ARFGEF2: variants seen among roughly 807,000 people sequenced by gnomAD.
The protein encoded by ARFGEF2 is ARF guanine nucleotide exchange factor 2.
A neutral mutation model predicts 219.9 loss-of-function variants in ARFGEF2; 74 were observed. The observed-to-expected ratio is 0.34, with a 90% CI of 0.28 to 0.41. The LOEUF (loss-of-function observed/expected upper bound fraction) is 0.41. ARFGEF2 is among the 10% of genes least tolerant of loss of function. ARFGEF2 has a pLI of 1.00. For missense variants in ARFGEF2, 1,743 were observed against 2,218.3 expected (o/e 0.79, Z 4.30); for synonymous variants, 733 against 799.2 (o/e 0.92, Z 1.40).
intron 8 of ARFGEF2, among the ~76,000 whole-genome samples, chr20:48,967,366 T>C (rs2091194502): frequency 6.6e-6 from 1 of 152,252 alleles, no homozygotes; most frequent in Non-Finnish European, 1.5e-5. Context: ...TTTTAGATTA[T>C]TCCAGTTTTA....
At chr20:48,943,985 A>G (rs1201687742) in intron 3 of ARFGEF2, among the ~76,000 whole-genome samples, 2 of 152,348 alleles carry the variant, frequency 1.3e-5, no homozygotes, top group Non-Finnish European at 2.9e-5. Context: ...GGCAGTGAGC[A>G]TGCCACATTT....
At chr20:48,933,288 C>T (rs1320031290) in intron 1 of ARFGEF2, among the ~76,000 whole-genome samples, 7 of 152,156 alleles carry the variant, frequency 4.6e-5, no homozygotes, top group Admixed American at 3.3e-4. Flanking sequence ...CTTCCTGCAC[C>T]GTCCTCCTTC....
rs373781086 is a variant in ARFGEF2 at position 49,008,849 on chromosome 20, A to G, written c.3585-1383A>G. Among the ~76,000 whole-genome samples, 15 of 151,780 alleles carry G rather than the reference A, an allele frequency of 9.9e-5. 1 individual carries two copies. The highest frequency in any genetic ancestry group is 8.3e-4 in the South Asian group (4 of 4,798). ...CAGCCTCCCAAGTACCTGGAATCAC[A>G]GGCGTGCATCACTATGTCCAGCTAA... On this transcript the variant is annotated intron_variant, in intron 26 of 38. Transcript: ENST00000371917.
At position 48,963,909 on chromosome 20, in the gene ARFGEF2, A is replaced by G. The variant is rs921422171; in HGVS notation, c.907+11A>G. The G allele has an allele frequency of 1.2e-6, 2 of 1,613,312 alleles. No homozygotes were observed. Among genetic ancestry groups the G allele is most frequent in the African/African-American group, 2.7e-5 (2 of 74,910 alleles). On this transcript the variant is annotated intron_variant, in intron 7 of 38. Coordinates refer to ENST00000371917, the MANE Select transcript of ARFGEF2 (RefSeq NM_006420.3). ...CATCTGCCATTAAAGGTAAGAACCAAGGACAACCCAGCCTTTCCTCTTCCC... is the reference window on the plus strand; with the variant it reads ...CATCTGCCATTAAAGGTAAGAACCAGGGACAACCCAGCCTTTCCTCTTCCC...
At chr20:48,946,908 C>A (rs767289822) in intron 3 of ARFGEF2, among the ~76,000 whole-genome samples, 3 of 151,930 alleles carry the variant, frequency 2.0e-5, no homozygotes, top group Non-Finnish European at 2.9e-5. Context: ...CTCATGTAAT[C>A]CTCCCACCTC....
intron 25 of ARFGEF2, among the ~76,000 whole-genome samples, chr20:48,999,471 G>A (rs894978879): frequency 2.0e-5 from 3 of 152,098 alleles, no homozygotes; most frequent in Non-Finnish European, 2.9e-5. Flanking sequence ...GTATGTGGCC[G>A]GGCGTCATGG....
At chr20:48,959,496 TCCTTCC>T (rs2091129168) in intron 6 of ARFGEF2, among the ~76,000 whole-genome samples, 1 of 24,192 alleles carries the variant, frequency 4.1e-5, no homozygotes, top group African/African-American at 1.6e-4. Flanking sequence ...CCTCCCTCCC[TCCTTCC>T]TTCCCTCCTT....
chr20:48,998,154 C>T (rs747190151), intron 23 of ARFGEF2, 39 bp from the exon 24 acceptor site: 4 of 1,604,670 alleles, frequency 2.5e-6, no homozygotes, highest in African/African-American at 1.3e-5. Flanking sequence ...GCCACCACAC[C>T]CGGTCTAATG....
At chr20:48,943,183 A>G (rs116394937) in intron 3 of ARFGEF2, among the ~76,000 whole-genome samples, 94 of 152,356 alleles carry the variant, frequency 6.2e-4, no homozygotes, top group African/African-American at 2.1e-3. Flanking sequence ...ACAAGGAGGC[A>G]TAGTGTTGCC....
intron 30 of ARFGEF2, among the ~76,000 whole-genome samples, chr20:49,014,448 T>C (rs553884212): frequency 3.3e-4 from 51 of 152,252 alleles, no homozygotes; most frequent in Non-Finnish European, 6.6e-4. Context: ...AGGCTCAGGA[T>C]TTTTAGATGG....
At position 49,034,572 on chromosome 20, in the gene ARFGEF2, G is replaced by T. The variant is rs959043542; in HGVS notation, c.*1373G>T. The T allele has an allele frequency of 6.6e-6, 1 of 152,174 alleles. No homozygotes were observed. The highest frequency in any genetic ancestry group is 1.5e-5 in the Non-Finnish European group (1 of 68,036). The allele number at this position is 152,174 out of a possible 1,614,324, so 9.4% of individuals were successfully genotyped here. ...CTGCTCACCTAGAGCATCGCTGAGC[G>T]TTAGACAAAGTGTTACACAGAATGA... is the stretch of plus-strand genomic sequence containing the variant. On this transcript the variant is annotated 3_prime_UTR_variant, in exon 39 of 39. Transcript: ENST00000371917.
At chr20:49,030,199 C>T (rs1269820398) in intron 37 of ARFGEF2, among the ~76,000 whole-genome samples, 2 of 152,062 alleles carry the variant, frequency 1.3e-5, no homozygotes, top group Non-Finnish European at 2.9e-5. Context: ...GCCACTGCGC[C>T]CGGCCTAAAA....
chr20:48,954,938 A>T (rs1260079775), intron 6 of ARFGEF2, among the ~76,000 whole-genome samples: 1 of 152,210 alleles, frequency 6.6e-6, no homozygotes, highest in Non-Finnish European at 1.5e-5. Flanking sequence ...TTAAGCTGTG[A>T]TCAGTCAATA....
In ARFGEF2 at chr20:49,028,664, T is replaced by C; in HGVS notation, c.5059T>C (p.Leu1687=). 1 of 1,614,088 alleles carries C rather than the reference T, an allele frequency of 6.2e-7. No individual in the cohort carries two copies. The highest frequency in any genetic ancestry group is 8.5e-7 in the Non-Finnish European group (1 of 1,179,960). Residue 1687 remains leucine, a synonymous_variant, in exon 37 of 39, where the codon TTA becomes CTA. Transcript: ENST00000371917. ...DSWEEIQQRL[L]TVCSEALAYF... is the part of the protein sequence containing the mutation. ...CTGGGAAGAAATACAGCAGAGACTT[T>C]TAACGTAAGAAAATTAGTTTCTGAT...
intron 6 of ARFGEF2, among the ~76,000 whole-genome samples, chr20:48,957,301 G>A (rs967017123): frequency 2.0e-5 from 3 of 152,198 alleles, no homozygotes; most frequent in African/African-American, 7.2e-5. Flanking sequence ...GCTGAGAAAT[G>A]TAGGCACATT....
At chr20:48,927,139 G>T (rs1025235378) in intron 1 of ARFGEF2, among the ~76,000 whole-genome samples, 18 of 152,082 alleles carry the variant, frequency 1.2e-4, no homozygotes, top group African/African-American at 4.3e-4. Flanking sequence ...TTTATTTAAA[G>T]GTAGAAAAGA....
chr20:49,024,150 T>C (rs565987856), intron 35 of ARFGEF2, among the ~76,000 whole-genome samples: 3 of 152,158 alleles, frequency 2.0e-5, no homozygotes, highest in East Asian at 1.9e-4. Flanking sequence ...TTTTTACATT[T>C]TTTGTAGAGA....
In ARFGEF2 at chr20:49,032,168, T is replaced by G; in HGVS notation, c.5181+2T>G. 1.2e-6 allele frequency: 2 copies of G among 1,606,378 alleles called. No homozygotes were observed. The highest frequency in any genetic ancestry group is 1.7e-6 in the Non-Finnish European group (2 of 1,173,156). ...ACCCTCAAAATAAATGATGAAAAGG[T>G]ATGAACAAGTAAACTCTGACCAATT... On this transcript the variant is annotated splice_donor_variant, in intron 38 of 38. Coordinates refer to ENST00000371917, the MANE Select transcript of ARFGEF2 (RefSeq NM_006420.3). LOFTEE classifies it high-confidence loss of function.
At position 48,935,939 on chromosome 20, in the gene ARFGEF2, G is replaced by GT. The variant is rs1395453678; in HGVS notation, c.122-5260_122-5259insT. On this transcript the variant is annotated intron_variant, in intron 1 of 38. Transcript: ENST00000371917. ...ACTTCCCGCATGGGGCGGCTGGCCG[G>GT]GGGGGGGGGCTGACCCCCCTACCTC... is the stretch of plus-strand genomic sequence containing the variant. Among the ~76,000 whole-genome samples, 26 of 130,704 alleles carry GT rather than the reference G, an allele frequency of 2.0e-4. 2 individuals carry two copies. The highest frequency in any genetic ancestry group is 7.8e-4 in the African/African-American group (25 of 31,876). The allele number at this position is 130,704 out of a possible 152,430, so 85.7% of individuals were successfully genotyped here.
Sources: allele counts gnomAD v4.1 joint callset (sites outside exome capture counted in the v4.1 genomes callset), GRCh38; gene constraint gnomAD v4.1.1; transcripts MANE v1.5; gene names NCBI Gene and HGNC (gene_info 2026-07-23, HGNC 2026-07-21).